Variants in GPR22 observed in about 807,000 individuals in gnomAD.
GPR22 encodes the protein G protein-coupled receptor 22.
In GPR22, 13 loss-of-function variants were observed where a neutral mutation model predicts 31.0. The observed-to-expected ratio is 0.42, with a 90% CI of 0.27 to 0.67. The LOEUF (loss-of-function observed/expected upper bound fraction) is 0.67. GPR22 is among the 30% of genes least tolerant of loss of function. The pLI, the probability that GPR22 is intolerant of heterozygous loss-of-function variation, is 0.25. For missense variants in GPR22, 368 were observed against 509.6 expected, an observed-to-expected ratio of 0.72 and a Z score of 2.67; for synonymous variants, 191 against 173.4, an observed-to-expected ratio of 1.10 and a Z score of -0.80.
chr7:107,474,492 T>C lies in GPR22; in HGVS notation c.432T>C (p.Ser144=). ...TCACTTTGGACAGATATGACATCTC[T>C]GTAAAACCTGCAAACCGAATTCTGA... ...FAITLDRYDI[S]VKPANRILTM... Residue 144 remains serine (S), a synonymous_variant, in exon 3 of 3, where the codon TCT becomes TCC. Coordinates refer to ENST00000304402, the MANE Select transcript of GPR22 (RefSeq NM_005295.3). The surrounding 1 kb of genome is among the most constrained non-coding windows in gnomAD (Gnocchi z 5.7). 6.2e-7 allele frequency: 1 copy of C among 1,613,270 alleles called. No homozygotes were observed. The highest frequency in any genetic ancestry group is 8.5e-7 in the Non-Finnish European group (1 of 1,179,492).
Position 107,474,188 on chromosome 7 carries a change from C to G in GPR22, c.128C>G (p.Ser43Cys). The change falls in exon 3 of 3, where the codon TCT becomes TGT. Residue 43 changes from serine (S) to cysteine (C), a missense_variant. Coordinates refer to ENST00000304402, the MANE Select transcript of GPR22 (RefSeq NM_005295.3). This position sits in a 1 kb window ranked among gnomAD's most constrained non-coding sequence, Gnocchi z 5.7. ...PLSYPLSFQV[S>C]LTGFLMLEIV... ...TCATATCCGTTAAGCTTTCAAGTGT[C>G]TCTCACCGGATTTCTTATGTTAGAA... 6.2e-7 allele frequency: 1 copy of G among 1,612,688 alleles called. No individual in the cohort carries two copies. Among genetic ancestry groups the G allele is most frequent in the Non-Finnish European group, 8.5e-7 (1 of 1,178,910 alleles).
In GPR22 at chr7:107,475,421, A is replaced by T; in HGVS notation, c.*59A>T. 1.3e-6 allele frequency: 1 copy of T among 783,498 alleles called. No homozygotes were observed. Among genetic ancestry groups the T allele is most frequent in the Admixed American group, 3.0e-5 (1 of 33,502 alleles). 48.5% of individuals were successfully genotyped at this position (783,498 alleles called of 1,614,324 possible). On this transcript the variant is annotated 3_prime_UTR_variant, in exon 3 of 3. Transcript: ENST00000304402. ...AATGAGTTTTAAATTTAAATTGTAA[A>T]AACTGATATTACTGCCAAATATAAG...
chr7:107,477,278 G>T (rs1288562428), downstream of GPR22, among the ~76,000 whole-genome samples: 2 of 151,452 alleles, frequency 1.3e-5, no homozygotes, highest in African/African-American at 2.4e-5. Context: ...GGACTCCCAA[G>T]CATAAATTAA....
chr7:107,473,237 A>G (rs934774536), intron 2 of GPR22, among the ~76,000 whole-genome samples: 1 of 151,940 alleles, frequency 6.6e-6, no homozygotes, highest in Non-Finnish European at 1.5e-5. Context: ...ATGTGATATT[A>G]AATTTCAATT....
intron 2 of GPR22, chr7:107,472,698 C>T (rs371634425): frequency 6.6e-6 from 1 of 151,748 alleles, no homozygotes; most frequent in Admixed American, 6.6e-5. Context: ...ATAATGTTAC[C>T]ATTTGTGTTT....
Position 107,471,440 on chromosome 7 carries a change from T to C in GPR22, c.-889T>C, listed in dbSNP as rs943799097. On this transcript the variant is annotated 5_prime_UTR_variant, in exon 2 of 3. Transcript: ENST00000304402. ...GAATGCAATTGACTGAGCATCTCCC[T>C]AGCTGTCTGAACTACGAACTGCAAG... The C allele has an allele frequency of 7.2e-5, 11 of 152,050 alleles. No individual in the cohort carries two copies. Among genetic ancestry groups the C allele is most frequent in the Non-Finnish European group, 1.6e-4 (11 of 67,938 alleles). The allele number at this position is 152,050 out of a possible 1,614,324, so 9.4% of individuals were successfully genotyped here. A position where few individuals can be genotyped will look rare whatever the true frequency, so the allele number is the denominator to read the frequency against.
intron 1 of GPR22, among the ~76,000 whole-genome samples, chr7:107,470,800 A>G (rs1276330105): frequency 1.3e-5 from 2 of 152,030 alleles, no homozygotes; most frequent in African/African-American, 2.4e-5. Flanking sequence ...CTTATTACTT[A>G]ATTTTATGTT....
intron 1 of GPR22, 136 bp downstream of exon 1, chr7:107,470,581 CT>C (rs1413654612): frequency 6.6e-6 from 1 of 152,068 alleles, no homozygotes; most frequent in Non-Finnish European, 1.5e-5. Flanking sequence ...ATTTTAAGAT[CT>C]ATTTCTTTTA....
chr7:107,473,075 T>TC, intron 2 of GPR22: 1 of 151,950 alleles, frequency 6.6e-6, no homozygotes, highest in South Asian at 2.1e-4. Context: ...ACAAAAGGCT[T>TC]CACAGGTAAT....
At chr7:107,473,955 AT>A in intron 2 of GPR22, 79 bp from the exon 3 acceptor site, 1 of 525,380 alleles carries the variant, frequency 1.9e-6, no homozygotes. Flanking sequence ...CAATTGAAAG[AT>A]TTTTTTTCTT....
chr7:107,470,697 T>G (rs952572280), intron 1 of GPR22, among the ~76,000 whole-genome samples: 1 of 152,154 alleles, frequency 6.6e-6, no homozygotes, highest in African/African-American at 2.4e-5. Flanking sequence ...TCAGATATAC[T>G]AAATATTCTT....
rs1424452060 is a variant in GPR22 at position 107,471,515 on chromosome 7, T to C, written c.-814T>C. On this transcript the variant is annotated 5_prime_UTR_variant, in exon 2 of 3. Coordinates refer to ENST00000304402, the MANE Select transcript of GPR22 (RefSeq NM_005295.3). ...ACATTAAGGAGTTAAAACCAGGGAA[T>C]AGGTCTACATTACTGATGGAATATA... 2.0e-5 allele frequency: 3 copies of C among 152,002 alleles called. No homozygotes were observed. Among genetic ancestry groups the C allele is most frequent in the Non-Finnish European group, 4.4e-5 (3 of 67,930 alleles). 9.4% of individuals were successfully genotyped at this position (152,002 alleles called of 1,614,324 possible).
Position 107,475,300 on chromosome 7 carries a change from A to G in GPR22, c.1240A>G (p.Ile414Val). ...GATAGATCCTAAAAGAAACAAAAAAATTACCTTTGAAGATAGTGAAATAAG... is the reference window on the plus strand; with the variant it reads ...GATAGATCCTAAAAGAAACAAAAAAGTTACCTTTGAAGATAGTGAAATAAG... ...SWIDPKRNKK[I>V]TFEDSEIREK... The change falls in exon 3 of 3, where the codon ATT (isoleucine) becomes GTT (valine). Residue 414 changes from isoleucine to valine, a missense_variant. Physicochemically the swap from Ile to Val is conservative, Grantham distance 29. Transcript: ENST00000304402. 1.3e-6 allele frequency: 2 copies of G among 1,591,932 alleles called. No homozygotes were observed. The highest frequency in any genetic ancestry group is 1.7e-6 in the Non-Finnish European group (2 of 1,170,810).
In GPR22 at chr7:107,474,119, G is replaced by A. The variant is rs148017336; in HGVS notation, c.59G>A (p.Arg20Gln). 8 of 1,608,244 alleles carry A rather than the reference G, an allele frequency of 5.0e-6. No individual in the cohort carries two copies. The highest frequency in any genetic ancestry group is 2.7e-5 in the African/African-American group (2 of 74,712). ...CAGTCTGAATCTAACATTACAGTGC[G>A]AGATGACATTGATGACATCAACACC... ...NMQSESNITV[R>Q]DDIDDINTNM... Residue 20 changes from arginine (R) to glutamine (Q), a missense_variant, in exon 3 of 3, where the codon CGA becomes CAA. Transcript: ENST00000304402. This position sits in a 1 kb window ranked among gnomAD's most constrained non-coding sequence, Gnocchi z 5.7.
At chr7:107,476,644 A>G (rs1461812971), downstream of GPR22, among the ~76,000 whole-genome samples, 2 of 151,742 alleles carry the variant, frequency 1.3e-5, no homozygotes, top group African/African-American at 2.4e-5. Flanking sequence ...TAATGTAATA[A>G]TCTATCGATA....
At position 107,475,090 on chromosome 7, in the gene GPR22, C is replaced by G; in HGVS notation, c.1030C>G (p.Leu344Val). 6 of 1,612,778 alleles carry G rather than the reference C, an allele frequency of 3.7e-6. No homozygotes were observed. Among genetic ancestry groups the G allele is most frequent in the Non-Finnish European group, 5.1e-6 (6 of 1,179,196 alleles). Residue 344 changes from leucine to valine, a missense_variant, in exon 3 of 3, where the codon CTT becomes GTT. By Grantham distance (32) the Leu-to-Val change is conservative. Coordinates refer to ENST00000304402, the MANE Select transcript of GPR22 (RefSeq NM_005295.3). ...TTILCLGPSD[L>V]LVKLRLCFLV... ...CATTTTATGTTTAGGCCCAAGTGACCTTTTAGTAAAATTAAGATTGTGTTT... is the reference window on the plus strand; with the variant it reads ...CATTTTATGTTTAGGCCCAAGTGACGTTTTAGTAAAATTAAGATTGTGTTT...
chr7:107,476,899 A>C (rs954911854), downstream of GPR22, among the ~76,000 whole-genome samples: 1 of 151,712 alleles, frequency 6.6e-6, no homozygotes, highest in Non-Finnish European at 1.5e-5. Context: ...GGAGAAATGA[A>C]TACCATGCAG....
At chr7:107,470,585 T>C (rs1389665093) in intron 1 of GPR22, 140 bp downstream of exon 1, 1 of 152,198 alleles carries the variant, frequency 6.6e-6, no homozygotes, top group Non-Finnish European at 1.5e-5. Context: ...TAAGATCTAT[T>C]TCTTTTAAGA....
intron 2 of GPR22, among the ~76,000 whole-genome samples, chr7:107,473,809 G>A (rs1796799226): frequency 6.6e-6 from 1 of 151,888 alleles, no homozygotes; most frequent in African/African-American, 2.4e-5. Flanking sequence ...TTGCACTACA[G>A]AGGAACAATT....
Sources: gnomAD v4.1 joint callset for allele counts (sites outside exome capture counted in the v4.1 genomes callset) on GRCh38, gnomAD v4.1.1 for gene constraint, Gnocchi (gnomAD v3.1) non-coding constraint, MANE v1.5 for transcripts, NCBI Gene and HGNC (gene_info 2026-07-23, HGNC 2026-07-21) for gene names.